Variants in AFG3L2 observed in about 807,000 individuals in gnomAD.
The protein encoded by AFG3L2 is AFG3 like matrix AAA peptidase subunit 2.
Under a neutral mutation model 94.5 loss-of-function variants are expected in AFG3L2, and 54 were observed. The ratio of observed to expected loss-of-function variants is 0.57; its 90% CI spans 0.46 to 0.72. AFG3L2 has a LOEUF of 0.72. Among genes scored for constraint, AFG3L2 ranks in the 30% least tolerant of loss-of-function variants. The pLI is 0.00. For missense variants in AFG3L2, 754 were observed against 994.9 expected (o/e 0.76, Z 3.26); for synonymous variants, 377 against 365.5 (o/e 1.03, Z -0.36).
At position 12,356,544 on chromosome 18, in the gene AFG3L2, G is replaced by A. The variant is rs1187589979; in HGVS notation, c.1164+150C>T. On this transcript the variant is annotated intron_variant, in intron 9 of 16. Transcript: ENST00000269143. Reference sequence around the variant, plus strand: ...GGTGGAAGTCACAGGCCTTGCTGAAGTCTTAGGCCTGGAGGAGAGCTCAGG... The same window carrying A: ...GGTGGAAGTCACAGGCCTTGCTGAAATCTTAGGCCTGGAGGAGAGCTCAGG... 4.4e-6 allele frequency: 5 copies of A among 1,134,424 alleles called. No individual in the cohort carries two copies. In the African/African-American group the frequency reaches 6.1e-5, roughly 14 times the overall value. 70.3% of individuals were successfully genotyped at this position (1,134,424 alleles called of 1,614,324 possible).
rs1907905095 is a variant in AFG3L2, at chr18:12,340,262, C to G, written c.1919G>C (p.Gly640Ala). 5 of 1,614,136 alleles carry G rather than the reference C, an allele frequency of 3.1e-6. No homozygotes were observed. The highest frequency in any genetic ancestry group is 3.4e-6 in the Non-Finnish European group (4 of 1,180,036). ...GGRVSEEIFF[G>A]RITTGAQDDL... ...ATCTTGAGCACCAGTTGTAATTCTT[C>G]CAAAGAAGATTTCTTCAGAGACTCG... The change falls in exon 15 of 17, where the codon GGA (glycine) becomes GCA (alanine). Residue 640 changes from glycine to alanine, a missense_variant. Transcript: ENST00000269143.
chr18:12,363,947 G>A, intron 5 of AFG3L2, 91 bp from the exon 6 acceptor site: 1 of 1,013,994 alleles, frequency 9.9e-7, no homozygotes, highest in Non-Finnish European at 1.6e-6. Flanking sequence ...TGATGTTTCA[G>A]CCACACAAGG....
chr18:12,371,038 C>A, intron 2 of AFG3L2, 112 bp from the exon 3 acceptor site: 1 of 645,816 alleles, frequency 1.5e-6, no homozygotes, highest in Non-Finnish European at 2.7e-6. Flanking sequence ...GCTGGCCAGG[C>A]GCAATGGCTC....
At chr18:12,344,082 G>T in intron 14 of AFG3L2, 50 bp downstream of exon 14, 1 of 1,469,684 alleles carries the variant, frequency 6.8e-7, no homozygotes. Context: ...ACTGCAGCGA[G>T]CATCTGCTCA....
chr18:12,356,778 G>C lies in AFG3L2; in HGVS notation c.1080C>G (p.Ala360=). 4 of 1,614,232 alleles carry C rather than the reference G, an allele frequency of 2.5e-6. No individual in the cohort carries two copies. Among genetic ancestry groups the C allele is most frequent in the Non-Finnish European group, 2.5e-6 (3 of 1,180,040 alleles). ...PGTGKTLLAK[A]TAGEANVPFI... is the part of the protein sequence containing the mutation. Reference sequence around the variant, plus strand: ...AGGGGACATTGGCTTCTCCGGCTGTGGCCTTAGCTAGCAGCGTCTTCCCAG... The same window carrying C: ...AGGGGACATTGGCTTCTCCGGCTGTCGCCTTAGCTAGCAGCGTCTTCCCAG... Residue 360 remains alanine (A), a synonymous_variant, in exon 9 of 17, where the codon GCC becomes GCG. Coordinates refer to ENST00000269143, the MANE Select transcript of AFG3L2 (RefSeq NM_006796.3).
At chr18:12,338,993 G>A (rs1036281351) in intron 15 of AFG3L2, among the ~76,000 whole-genome samples, 5 of 152,080 alleles carry the variant, frequency 3.3e-5, no homozygotes, top group African/African-American at 9.7e-5. Flanking sequence ...GGTGGCTCAC[G>A]CCTGTAATCC....
chr18:12,340,542 A>G, intron 14 of AFG3L2, 141 bp from the exon 15 acceptor site: 1 of 741,358 alleles, frequency 1.3e-6, no homozygotes, highest in Non-Finnish European at 2.4e-6. Context: ...GATGTGATCT[A>G]GCAGTGACTG....
At chr18:12,339,701 C>T (rs1227100923) in intron 15 of AFG3L2, among the ~76,000 whole-genome samples, 1 of 150,074 alleles carries the variant, frequency 6.7e-6, no homozygotes, top group Non-Finnish European at 1.5e-5. Flanking sequence ...ACAAAAAAAT[C>T]AGCCAGGCGT....
At chr18:12,365,051 G>A (rs1002393266) in intron 5 of AFG3L2, among the ~76,000 whole-genome samples, 2 of 152,216 alleles carry the variant, frequency 1.3e-5, no homozygotes, top group Non-Finnish European at 2.9e-5. Flanking sequence ...GCTCTGGGAT[G>A]TGCTTATTTC....
At position 12,352,997 on chromosome 18, in the gene AFG3L2, C is replaced by T. The variant is rs2143171166; in HGVS notation, c.1318+8G>A. ...GCAGTTAAAGATACAAAAGCCTTGA[C>T]CACTCACCATCCATCTCCACCAGCA... On this transcript the variant is annotated splice_region_variant and intron_variant, in intron 10 of 16. Transcript: ENST00000269143. 6.2e-7 allele frequency: 1 copy of T among 1,613,514 alleles called. No homozygotes were observed. The highest frequency in any genetic ancestry group is 1.7e-5 in the Admixed American group (1 of 59,976).
chr18:12,331,808 AATATATATAT>A (rs35558132), intron 16 of AFG3L2, among the ~76,000 whole-genome samples: 5 of 146,418 alleles, frequency 3.4e-5, no homozygotes, highest in African/African-American at 1.3e-4. Context: ...TAAATAAATA[AATATATATAT>A]ATATATATAT....
At position 12,329,456 on chromosome 18, in the gene AFG3L2, T is replaced by G. The variant is rs114203162; in HGVS notation, c.*109A>C. On this transcript the variant is annotated 3_prime_UTR_variant, in exon 17 of 17. Coordinates refer to ENST00000269143, the MANE Select transcript of AFG3L2 (RefSeq NM_006796.3). ...TTCCCCATCATTTCAGCTGGGCCAG[T>G]GGCTGGCTAAAATCAGCGCAGCATT... The G allele has an allele frequency of 2.0e-3, 2,345 of 1,177,410 alleles. 35 individuals are homozygous for G. In the African/African-American group the frequency reaches 0.03, roughly 15 times the overall value. 72.9% of individuals were successfully genotyped at this position (1,177,410 alleles called of 1,614,324 possible).
chr18:12,348,563 T>C (rs1221455452), intron 12 of AFG3L2, among the ~76,000 whole-genome samples, 180 bp from the exon 13 acceptor site: 2 of 152,258 alleles, frequency 1.3e-5, no homozygotes, highest in Admixed American at 6.5e-5. Context: ...GCGTTTAATG[T>C]AAGCCTGGTA....
intron 12 of AFG3L2, among the ~76,000 whole-genome samples, chr18:12,350,365 A>T (rs533455033): frequency 6.6e-6 from 1 of 152,274 alleles, no homozygotes; most frequent in East Asian, 1.9e-4. Context: ...TATACTAGAA[A>T]CCATTAATTG....
In AFG3L2 at chr18:12,370,869, T is replaced by C. The variant is rs371509337; in HGVS notation, c.272A>G (p.Glu91Gly). Residue 91 changes from glutamate (E) to glycine (G), a missense_variant, in exon 3 of 17, where the codon GAA becomes GGA. Physicochemically the swap from Glu to Gly is moderately conservative, Grantham distance 98. Coordinates refer to ENST00000269143, the MANE Select transcript of AFG3L2 (RefSeq NM_006796.3). ...GGTACCTTTTTTCTCTCCCATAACT[T>C]CTTTAGGTTCACTAGCTTTTTTTCC... ...KNGKKASEPK[E>G]VMGEKKESKP... 115 of 1,588,418 alleles carry C rather than the reference T, an allele frequency of 7.2e-5. No homozygotes were observed. Among genetic ancestry groups the C allele is most frequent in the Non-Finnish European group, 9.5e-5 (110 of 1,159,164 alleles).
intron 15 of AFG3L2, among the ~76,000 whole-genome samples, chr18:12,339,889 G>A (rs961224346): frequency 5.5e-5 from 8 of 145,300 alleles, no homozygotes; most frequent in Admixed American, 1.4e-4. Context: ...ATGTGGTGGC[G>A]CATGCCTGTA....
chr18:12,348,934 T>C (rs1329573758), intron 12 of AFG3L2, among the ~76,000 whole-genome samples: 1 of 152,240 alleles, frequency 6.6e-6, no homozygotes, highest in African/African-American at 2.4e-5. Context: ...ACCATCTGTG[T>C]TAAATAAACA....
At chr18:12,338,051 T>C (rs528226617) in intron 15 of AFG3L2, among the ~76,000 whole-genome samples, 71 of 152,288 alleles carry the variant, frequency 4.7e-4, no homozygotes, top group Admixed American at 2.3e-3. Context: ...ATTACGGGCA[T>C]GAGCCCAGCC....
In AFG3L2 at chr18:12,368,099, G is replaced by A. The variant is rs139821621; in HGVS notation, c.293-717C>T. Among the ~76,000 whole-genome samples the A allele has an allele frequency of 3.2e-3, 481 of 152,004 alleles. 3 individuals are homozygous for A. The Middle Eastern group carries it at 0.037, about 12-fold the overall frequency. ...GGAGAATCGCTTCAACCTGGGAGGCGGAAGTTGTGGTGAGCCAAGATCACG... is the reference window on the plus strand; with the variant it reads ...GGAGAATCGCTTCAACCTGGGAGGCAGAAGTTGTGGTGAGCCAAGATCACG... On this transcript the variant is annotated intron_variant, in intron 3 of 16. Coordinates refer to ENST00000269143, the MANE Select transcript of AFG3L2 (RefSeq NM_006796.3).
Sources: allele counts gnomAD v4.1 joint callset (sites outside exome capture counted in the v4.1 genomes callset), GRCh38; gene constraint gnomAD v4.1.1; transcripts MANE v1.5; gene names NCBI Gene and HGNC (gene_info 2026-07-23, HGNC 2026-07-21).